Variants in NTN1 observed in about 807,000 individuals in gnomAD.
NTN1 encodes netrin-1.
NTN1 carries 11 observed loss-of-function variants against 54.2 expected under a neutral mutation model. The observed-to-expected ratio is 0.20, with a 90% CI of 0.13 to 0.34. The LOEUF is 0.34. Among genes scored for constraint, NTN1 ranks in the 10% least tolerant of loss-of-function variants. NTN1 has a pLI of 1.00. For missense variants in NTN1, 740 were observed against 893.1 expected (o/e 0.83, Z 2.18); for synonymous variants, 371 against 382.0 (o/e 0.97, Z 0.33).
intron 2 of NTN1, among the ~76,000 whole-genome samples, chr17:9,052,581 A>G (rs186589811): frequency 3.9e-5 from 6 of 152,366 alleles, no homozygotes; most frequent in East Asian, 3.9e-4. Context: ...CACCAAATCA[A>G]TGTATTCATG....
intron 2 of NTN1, among the ~76,000 whole-genome samples, chr17:9,076,748 A>C (rs1397181899): frequency 6.6e-6 from 1 of 152,246 alleles, no homozygotes; most frequent in Non-Finnish European, 1.5e-5. Context: ...TTCAACATGA[A>C]TACATAAAAC....
At position 9,036,448 on chromosome 17, in the gene NTN1, C is replaced by T. The variant is rs140695342; in HGVS notation, c.1018+13057C>T. Among the ~76,000 whole-genome samples, 422 of 137,272 alleles carry T rather than the reference C, an allele frequency of 3.1e-3. 2 individuals are homozygous for T. The highest frequency in any genetic ancestry group is 0.011 in the African/African-American group (408 of 36,550). The allele number at this position is 137,272 out of a possible 152,430, so 90.1% of individuals were successfully genotyped here. ...TCTCGCTCTGTCATCCAGTCTAGAG[C>T]ACAGTGGTGCAATCACGTCTCACTG... On this transcript the variant is annotated intron_variant, in intron 2 of 6. Transcript: ENST00000173229.
At chr17:9,111,656 C>G (rs2092191395) in intron 2 of NTN1, among the ~76,000 whole-genome samples, 2 of 152,170 alleles carry the variant, frequency 1.3e-5, no homozygotes, top group African/African-American at 4.8e-5. Flanking sequence ...GGAAGGCTTA[C>G]TGATAACATC....
At chr17:9,030,441 G>A (rs75290793) in intron 2 of NTN1, among the ~76,000 whole-genome samples, 2,525 of 152,274 alleles carry the variant, frequency 0.017, 81 homozygotes, top group African/African-American at 0.058. Context: ...ATGTGAAGAA[G>A]ACCTAGAAGA....
Position 9,221,147 on chromosome 17 carries a change from T to TGCG in NTN1, c.1412-21_1412-20insGCG. On this transcript the variant is annotated intron_variant, in intron 5 of 6. Coordinates refer to ENST00000173229, the MANE Select transcript of NTN1 (RefSeq NM_004822.3). This position sits in a 1 kb window ranked among gnomAD's most constrained non-coding sequence, Gnocchi z 4.5. Reference sequence around the variant, plus strand: ...CAGCCTAATTAGTTTTTGTCTGTGCTCCCCCCCCACCCCCCTGCAGACTGC... The same window carrying TGCG: ...CAGCCTAATTAGTTTTTGTCTGTGCTGCGCCCCCCCCACCCCCCTGCAGACTGC... 6.1e-6 allele frequency: 8 copies of TGCG among 1,303,784 alleles called. No individual in the cohort carries two copies. Among genetic ancestry groups the TGCG allele is most frequent in the Non-Finnish European group, 8.4e-6 (8 of 952,854 alleles). 80.8% of individuals were successfully genotyped at this position (1,303,784 alleles called of 1,614,324 possible). A position where few individuals can be genotyped will look rare whatever the true frequency, so the allele number is the denominator to read the frequency against.
intron 2 of NTN1, among the ~76,000 whole-genome samples, chr17:9,088,515 C>T (rs905903343): frequency 2.0e-5 from 3 of 152,090 alleles, no homozygotes; most frequent in African/African-American, 7.2e-5. Flanking sequence ...CTCCTAGCAC[C>T]CCAATGACAC....
intron 2 of NTN1, among the ~76,000 whole-genome samples, chr17:9,119,034 CT>C (rs1304760070): frequency 2.0e-5 from 3 of 152,170 alleles, no homozygotes; most frequent in Admixed American, 6.5e-5. Context: ...TCCTACATAA[CT>C]TTGTTTAACT....
At chr17:9,214,650 G>A (rs1012563047) in intron 5 of NTN1, among the ~76,000 whole-genome samples, 7 of 152,210 alleles carry the variant, frequency 4.6e-5, no homozygotes, top group South Asian at 4.2e-4. Flanking sequence ...GTGAAACCCC[G>A]TCTCTACTAA....
intron 5 of NTN1, among the ~76,000 whole-genome samples, chr17:9,207,214 A>T (rs369880464): frequency 8.5e-5 from 13 of 152,242 alleles, no homozygotes; most frequent in African/African-American, 3.1e-4. Context: ...GTATCACTGC[A>T]CAGGGTGACA....
chr17:9,127,270 G>T (rs2092250671), intron 2 of NTN1, among the ~76,000 whole-genome samples: 1 of 152,126 alleles, frequency 6.6e-6, no homozygotes, highest in Admixed American at 6.5e-5. Flanking sequence ...ACGGGGGCTT[G>T]GCTGGAGGAG....
chr17:9,041,090 T>TA (rs1381856689), intron 2 of NTN1, among the ~76,000 whole-genome samples: 1 of 152,118 alleles, frequency 6.6e-6, no homozygotes, highest in Admixed American at 6.5e-5. Flanking sequence ...GCTCTTTTTT[T>TA]AAAAAATATT....
At chr17:9,134,508 A>G (rs1015211036) in intron 2 of NTN1, among the ~76,000 whole-genome samples, 2 of 152,198 alleles carry the variant, frequency 1.3e-5, no homozygotes, top group Non-Finnish European at 2.9e-5. Flanking sequence ...CTTTAACAGA[A>G]CTACTCACGT....
intron 2 of NTN1, among the ~76,000 whole-genome samples, chr17:9,096,780 AG>A (rs746088750): frequency 1.3e-5 from 2 of 152,218 alleles, no homozygotes; most frequent in African/African-American, 2.4e-5. Flanking sequence ...TCTAACTAGT[AG>A]GGATGATAAT....
the NTN1 span, among the ~76,000 whole-genome samples, chr17:9,011,143 G>A: frequency 6.6e-6 from 1 of 152,312 alleles, no homozygotes; most frequent in South Asian, 2.1e-4. Context: ...AGCTCAGGTG[G>A]TAATGCGAGC....
chr17:9,152,804 A>T (rs181232123), intron 2 of NTN1, among the ~76,000 whole-genome samples: 8 of 152,248 alleles, frequency 5.3e-5, no homozygotes, highest in African/African-American at 1.4e-4. Context: ...CATTTTTCAG[A>T]TGGGAGAATG....
intron 2 of NTN1, among the ~76,000 whole-genome samples, chr17:9,056,205 T>C (rs945369354): frequency 1.3e-5 from 2 of 152,150 alleles, no homozygotes; most frequent in African/African-American, 4.8e-5. Flanking sequence ...TACAGGCATG[T>C]GCCACCACAC....
the NTN1 span, among the ~76,000 whole-genome samples, chr17:9,004,295 T>C: frequency 2.0e-5 from 3 of 152,168 alleles, no homozygotes; most frequent in African/African-American, 4.8e-5. Flanking sequence ...TGCACAAGCA[T>C]AGATAGTAGA....
intron 2 of NTN1, among the ~76,000 whole-genome samples, chr17:9,068,633 C>T (rs575696002): frequency 3.3e-5 from 5 of 151,930 alleles, no homozygotes; most frequent in East Asian, 1.9e-4. Context: ...CTCAGCCTCC[C>T]GAGTAGCTGG....
At chr17:9,195,621 C>T (rs78552757) in intron 5 of NTN1, among the ~76,000 whole-genome samples, 2,703 of 152,264 alleles carry the variant, frequency 0.018, 37 homozygotes, top group Non-Finnish European at 0.029. Flanking sequence ...GCTCAGAGCT[C>T]GGCCTGAAAC....
Sources: allele counts gnomAD v4.1 joint callset (sites outside exome capture counted in the v4.1 genomes callset), GRCh38; gene constraint gnomAD v4.1.1; non-coding constraint Gnocchi (gnomAD v3.1); transcripts MANE v1.5; gene names NCBI Gene and HGNC (gene_info 2026-07-23, HGNC 2026-07-21).